Variants in CDR2L observed in about 807,000 individuals in gnomAD.
CDR2L encodes cerebellar degeneration related protein 2 like.
CDR2L carries 19 observed loss-of-function variants against 36.1 expected under a neutral mutation model. That is an observed-to-expected ratio of 0.53 (90% CI 0.37 to 0.77). CDR2L has a LOEUF of 0.77. CDR2L is among the 30% of genes least tolerant of loss of function. The pLI, the probability that CDR2L is intolerant of heterozygous loss-of-function variation, is 0.00. For synonymous variants in CDR2L, 285 were observed against 280.4 expected, an observed-to-expected ratio of 1.02 and a Z score of -0.16; for missense variants, 575 against 627.2, an observed-to-expected ratio of 0.92 and a Z score of 0.89.
intron 2 of CDR2L, among the ~76,000 whole-genome samples, chr17:75,000,617 TAAA>T (rs71159407): frequency 2.6e-5 from 3 of 114,286 alleles, no homozygotes; most frequent in African/African-American, 3.3e-5. Context: ...TTTTAGAAGT[TAAA>T]AAAAAAAAAA....
At chr17:74,988,338 G>A (rs1302462458) in intron 1 of CDR2L, among the ~76,000 whole-genome samples, 1 of 152,186 alleles carries the variant, frequency 6.6e-6, no homozygotes, top group Non-Finnish European at 1.5e-5. Context: ...AAAAGTGGGG[G>A]GCGGGGGGCG....
chr17:74,989,748 G>A lies in CDR2L; in HGVS notation c.79+1626G>A, dbSNP rs34721207. 7.6e-4 allele frequency among the ~76,000 whole-genome samples: 116 copies of A among 152,102 alleles called. No individual in the cohort carries two copies. Among genetic ancestry groups the A allele is most frequent in the African/African-American group, 2.4e-3 (98 of 41,464 alleles). ...CAGCTCACTGCAACCTCCATCTCCC[G>A]GGTTCAAGTGATTCTCCTGCCTCAG... On this transcript the variant is annotated intron_variant, in intron 1 of 4. Transcript: ENST00000337231. This position sits in a 1 kb window ranked among gnomAD's most constrained non-coding sequence, Gnocchi z 4.2.
Position 75,001,334 on chromosome 17 carries a change from C to T in CDR2L, c.193-7C>T, listed in dbSNP as rs2039865250. On this transcript the variant is annotated splice_region_variant and splice_polypyrimidine_tract_variant and intron_variant, in intron 2 of 4. Transcript: ENST00000337231. Reference sequence around the variant, plus strand: ...TAAAAAGTTACTCAATGTCCTTCCACCCCCAGTACCTAACCAAGCAGCTGG... The same window carrying T: ...TAAAAAGTTACTCAATGTCCTTCCATCCCCAGTACCTAACCAAGCAGCTGG... 1.3e-6 allele frequency: 2 copies of T among 1,598,872 alleles called. No homozygotes were observed. Among genetic ancestry groups the T allele is most frequent in the Non-Finnish European group, 1.7e-6 (2 of 1,173,524 alleles).
chr17:74,991,639 C>T (rs1480156468), intron 1 of CDR2L, among the ~76,000 whole-genome samples: 1 of 151,964 alleles, frequency 6.6e-6, no homozygotes, highest in African/African-American at 2.4e-5. Context: ...ATGGTGTGAA[C>T]CCGGGAGGCA....
At chr17:74,993,697 G>GTT (rs2039809694) in intron 1 of CDR2L, among the ~76,000 whole-genome samples, 1 of 152,210 alleles carries the variant, frequency 6.6e-6, no homozygotes, top group African/African-American at 2.4e-5. Context: ...TTTCTTTGTT[G>GTT]TTGTTGTTGT....
rs927293257 is a variant in CDR2L at position 75,003,867 on chromosome 17, G to C, written c.1191G>C (p.Ser397=). The change falls in exon 5 of 5, where the codon TCG becomes TCC. Residue 397 remains serine, a synonymous_variant. Transcript: ENST00000337231. The part of the protein sequence containing the change: ...QTSRPISRDS[S]WRDLRGGEEG... ...CGCGCCCCATCTCCCGGGACAGCTC[G>C]TGGAGGGACCTGCGCGGGGGTGAGG... The C allele has an allele frequency of 5.6e-6, 9 of 1,596,196 alleles. No individual in the cohort carries two copies. In the African/African-American group the frequency reaches 1.1e-4, roughly 19 times the overall value.
rs182091248 is a variant in CDR2L, at chr17:74,997,942, C to T, written c.80-1562C>T. On this transcript the variant is annotated intron_variant, in intron 1 of 4. Transcript: ENST00000337231. Reference sequence around the variant, plus strand: ...GTTAAAAAAAAAAAAAAAAAAGTACCGGGCACGGTGGCTCACGCCTGTAAT... The same window carrying T: ...GTTAAAAAAAAAAAAAAAAAAGTACTGGGCACGGTGGCTCACGCCTGTAAT... Among the ~76,000 whole-genome samples, 47 of 143,864 alleles carry T rather than the reference C, an allele frequency of 3.3e-4. 1 individual carries two copies. In the East Asian group the frequency reaches 7.0e-3, roughly 21 times the overall value. 94.4% of individuals were successfully genotyped at this position (143,864 alleles called of 152,430 possible). A position where few individuals can be genotyped will look rare whatever the true frequency, so the allele number is the denominator to read the frequency against.
At chr17:74,999,325 C>CACACACACA (rs368672422) in intron 1 of CDR2L, among the ~76,000 whole-genome samples, 179 bp from the exon 2 acceptor site, 2 of 151,094 alleles carry the variant, frequency 1.3e-5, no homozygotes, top group South Asian at 2.1e-4. Context: ...CAGACACACA[C>CACACACACA]AAAAAGAACA....
chr17:74,988,868 G>A lies in CDR2L; in HGVS notation c.79+746G>A, dbSNP rs564725307. Among the ~76,000 whole-genome samples the A allele has an allele frequency of 5.5e-4, 83 of 152,292 alleles. 1 individual carries two copies. The South Asian group carries it at 0.017, about 31-fold the overall frequency. On this transcript the variant is annotated intron_variant, in intron 1 of 4. Transcript: ENST00000337231. ...TGAGGACAGAAAGGGCGACTGGAAG[G>A]GGGTTAGAAGCTGGTGATGAGGTGG...
chr17:75,002,287 C>T lies in CDR2L; in HGVS notation c.506+59C>T. ...TGCCAGCCATGGGAGGAAGGAGAGG[C>T]AGCAGGCAGCAGGGTGCAGTTGGTG... On this transcript the variant is annotated intron_variant, in intron 4 of 4. Coordinates refer to ENST00000337231, the MANE Select transcript of CDR2L (RefSeq NM_014603.3). The surrounding 1 kb of genome is among the most constrained non-coding windows in gnomAD (Gnocchi z 4.1). The T allele has an allele frequency of 6.8e-7, 1 of 1,465,118 alleles. No homozygotes were observed. Among genetic ancestry groups the T allele is most frequent in the Non-Finnish European group, 9.3e-7 (1 of 1,074,614 alleles). The allele number at this position is 1,465,118 out of a possible 1,614,324, so 90.8% of individuals were successfully genotyped here. A position where few individuals can be genotyped will look rare whatever the true frequency, so the allele number is the denominator to read the frequency against.
chr17:75,000,544 C>T (rs1163185231), intron 2 of CDR2L, among the ~76,000 whole-genome samples: 1 of 147,862 alleles, frequency 6.8e-6, no homozygotes, highest in African/African-American at 2.5e-5. Context: ...GTGATCTGCC[C>T]GCCTCAGCCT....
At position 74,988,022 on chromosome 17, in the gene CDR2L, C is replaced by A; in HGVS notation, c.-22C>A. Reference sequence around the variant, plus strand: ...GGCCCTGAGCTGCGCCGCCGCAGCACCCGCCCGCCGCCCGCGGGGCCATGC... The same window carrying A: ...GGCCCTGAGCTGCGCCGCCGCAGCAACCGCCCGCCGCCCGCGGGGCCATGC... On this transcript the variant is annotated 5_prime_UTR_variant, in exon 1 of 5. Transcript: ENST00000337231. 1 of 1,501,298 alleles carries A rather than the reference C, an allele frequency of 6.7e-7. No homozygotes were observed. The highest frequency in any genetic ancestry group is 8.9e-7 in the Non-Finnish European group (1 of 1,124,328). The allele number at this position is 1,501,298 out of a possible 1,614,324, so 93.0% of individuals were successfully genotyped here.
Position 75,003,630 on chromosome 17 carries a change from C to T in CDR2L, c.954C>T (p.Ser318=), listed in dbSNP as rs1194656320. The change falls in exon 5 of 5, where the codon AGC becomes AGT. Residue 318 remains serine (S), a synonymous_variant. Transcript: ENST00000337231. ...SPGHVVRKSC[S]DTALNAIVAK... is the part of the protein sequence containing the mutation. ...GCCACGTGGTGCGCAAGAGCTGCAG[C>T]GACACTGCGCTCAACGCCATCGTGG... is the stretch of plus-strand genomic sequence containing the variant. 1.4e-6 allele frequency: 2 copies of T among 1,469,056 alleles called. No homozygotes were observed. Among genetic ancestry groups the T allele is most frequent in the East Asian group, 2.5e-5 (1 of 40,266 alleles). The allele number at this position is 1,469,056 out of a possible 1,614,324, so 91.0% of individuals were successfully genotyped here.
In CDR2L at chr17:75,003,958, C is replaced by T. The variant is rs144796205; in HGVS notation, c.1282C>T (p.Arg428Trp). The T allele has an allele frequency of 5.5e-4, 884 of 1,610,360 alleles. 1 individual carries two copies. Among genetic ancestry groups the T allele is most frequent in the Non-Finnish European group, 6.7e-4 (794 of 1,178,484 alleles). ...LSQHVEAVDK[R>W]LEQSQPEYKA... is the part of the protein sequence containing the mutation. ...CCAGCACGTGGAGGCCGTGGACAAGCGGCTGGAACAGAGCCAGCCCGAGTA... is the reference window on the plus strand; with the variant it reads ...CCAGCACGTGGAGGCCGTGGACAAGTGGCTGGAACAGAGCCAGCCCGAGTA... The change falls in exon 5 of 5, where the codon CGG becomes TGG. Residue 428 changes from arginine (R) to tryptophan (W), a missense_variant. Transcript: ENST00000337231.
chr17:75,004,382 T>A lies in CDR2L; in HGVS notation c.*308T>A. 1 of 278,538 alleles carries A rather than the reference T, an allele frequency of 3.6e-6. No homozygotes were observed. The highest frequency in any genetic ancestry group is 6.4e-5 in the East Asian group (1 of 15,546). The allele number at this position is 278,538 out of a possible 1,614,324, so 17.3% of individuals were successfully genotyped here. A position where few individuals can be genotyped will look rare whatever the true frequency, so the allele number is the denominator to read the frequency against. On this transcript the variant is annotated 3_prime_UTR_variant, in exon 5 of 5. Transcript: ENST00000337231. Reference sequence around the variant, plus strand: ...GGCTTCCTGACCCTGCGCCTCACCCTCAGACTGGTGACCAGGCTTCTGAAA... The same window carrying A: ...GGCTTCCTGACCCTGCGCCTCACCCACAGACTGGTGACCAGGCTTCTGAAA...
In CDR2L at chr17:75,003,901, G is replaced by T. The variant is rs745496157; in HGVS notation, c.1225G>T (p.Gly409Cys). 6 of 1,608,352 alleles carry T rather than the reference G, an allele frequency of 3.7e-6. No individual in the cohort carries two copies. The highest frequency in any genetic ancestry group is 4.2e-6 in the Non-Finnish European group (5 of 1,177,758). ...CCTGCGCGGGGGTGAGGAGGGCCAG[G>T]GTGAGGTCAAGGCAGGAGAGAAGAG... ...RDLRGGEEGQ[G>C]EVKAGEKSLS... The change falls in exon 5 of 5, where the codon GGT (glycine) becomes TGT (cysteine). Residue 409 changes from glycine to cysteine, a missense_variant. Physicochemically the swap from Gly to Cys is radical, Grantham distance 159. Coordinates refer to ENST00000337231, the MANE Select transcript of CDR2L (RefSeq NM_014603.3).
At position 75,003,569 on chromosome 17, in the gene CDR2L, C is replaced by G. The variant is rs1003373607; in HGVS notation, c.893C>G (p.Ala298Gly). The change falls in exon 5 of 5, where the codon GCC (alanine) becomes GGC (glycine). Residue 298 changes from alanine to glycine, a missense_variant. Ala to Gly is a moderately conservative substitution (Grantham distance 60, BLOSUM62 0). Transcript: ENST00000337231. ...PQPGRGDDLGAQDGVSSPAAS... is the reference protein window; with the variant it reads ...PQPGRGDDLGGQDGVSSPAAS... ...CCCGGCCGCGGGGACGACTTGGGCG[C>G]CCAGGACGGGGTCTCCTCACCGGCA... 10 of 1,510,518 alleles carry G rather than the reference C, an allele frequency of 6.6e-6. No individual in the cohort carries two copies. The highest frequency in any genetic ancestry group is 2.1e-4 in the Middle Eastern group (1 of 4,850). 93.6% of individuals were successfully genotyped at this position (1,510,518 alleles called of 1,614,324 possible).
At position 75,003,580 on chromosome 17, in the gene CDR2L, G is replaced by A. The variant is rs191970901; in HGVS notation, c.904G>A (p.Val302Ile). Residue 302 changes from valine to isoleucine, a missense_variant, in exon 5 of 5, where the codon GTC (valine) becomes ATC (isoleucine). By Grantham distance (29) the Val-to-Ile change is conservative (BLOSUM62 3). Coordinates refer to ENST00000337231, the MANE Select transcript of CDR2L (RefSeq NM_014603.3). ...GGACGACTTGGGCGCCCAGGACGGG[G>A]TCTCCTCACCGGCAGCCTCTCCAGG... ...RGDDLGAQDGVSSPAASPGHV... is the reference protein window; with the variant it reads ...RGDDLGAQDGISSPAASPGHV... 21 of 1,508,464 alleles carry A rather than the reference G, an allele frequency of 1.4e-5. No individual in the cohort carries two copies. Among genetic ancestry groups the A allele is most frequent in the Non-Finnish European group, 1.9e-5 (21 of 1,127,820 alleles). The allele number at this position is 1,508,464 out of a possible 1,614,324, so 93.4% of individuals were successfully genotyped here.
In CDR2L at chr17:75,004,117, G is replaced by T; in HGVS notation, c.*43G>T. On this transcript the variant is annotated 3_prime_UTR_variant, in exon 5 of 5. Transcript: ENST00000337231. ...GCCTCCCCCAGGGTGGAAGCCGTGG[G>T]GTCCCTCAGGCCTGGGCGGTGCAGC... The T allele has an allele frequency of 6.5e-7, 1 of 1,537,724 alleles. No homozygotes were observed. The highest frequency in any genetic ancestry group is 8.8e-7 in the Non-Finnish European group (1 of 1,138,030).
Sources: gnomAD v4.1 joint callset for allele counts (sites outside exome capture counted in the v4.1 genomes callset) on GRCh38, gnomAD v4.1.1 for gene constraint, Gnocchi (gnomAD v3.1) non-coding constraint, MANE v1.5 for transcripts, NCBI Gene and HGNC (gene_info 2026-07-23, HGNC 2026-07-21) for gene names.